TMPRSS11E: variants seen among roughly 807,000 people sequenced by gnomAD.
TMPRSS11E encodes transmembrane protease serine 11E.
TMPRSS11E carries 38 observed loss-of-function variants against 48.1 expected under a neutral mutation model. That is an observed-to-expected ratio of 0.79 (90% CI 0.61 to 1.04). The LOEUF (loss-of-function observed/expected upper bound fraction) is 1.04. TMPRSS11E is among the 50% of genes least tolerant of loss of function. TMPRSS11E has a pLI of 0.00. For missense variants in TMPRSS11E, 530 were observed against 510.8 expected (o/e 1.04, Z -0.36); for synonymous variants, 158 against 171.9 (o/e 0.92, Z 0.63).
chr4:68,462,803 A>G (rs574597885), intron 2 of TMPRSS11E, among the ~76,000 whole-genome samples: 1 of 152,288 alleles, frequency 6.6e-6, no homozygotes, highest in African/African-American at 2.4e-5. Context: ...AAGAAAGCTA[A>G]TTATAAAGAT....
intron 1 of TMPRSS11E, among the ~76,000 whole-genome samples, chr4:68,447,864 T>C (rs1052816181): frequency 9.9e-5 from 15 of 151,952 alleles, no homozygotes; most frequent in Non-Finnish European, 2.2e-4. Context: ...GGGCTTTGTT[T>C]GTCTTATTGA....
chr4:68,492,685 A>T (rs1229619986), intron 9 of TMPRSS11E, among the ~76,000 whole-genome samples: 2 of 152,206 alleles, frequency 1.3e-5, no homozygotes, highest in Non-Finnish European at 2.9e-5. Flanking sequence ...CTTTAAACAG[A>T]AACACACACG....
intron 2 of TMPRSS11E, 107 bp downstream of exon 2, chr4:68,462,052 G>C (rs1728805580): frequency 4.3e-6 from 6 of 1,389,058 alleles, no homozygotes; most frequent in Non-Finnish European, 6.0e-6. Context: ...CGATTCATTT[G>C]CATAGCCTGT....
At chr4:68,471,703 T>TAA in intron 5 of TMPRSS11E, 80 bp downstream of exon 5, 1 of 1,086,790 alleles carries the variant, frequency 9.2e-7, no homozygotes, top group Non-Finnish European at 1.3e-6. Context: ...AAAAATTTTT[T>TAA]TTGATGTCCT....
intron 9 of TMPRSS11E, among the ~76,000 whole-genome samples, chr4:68,479,310 C>T (rs924464223): frequency 2.0e-5 from 3 of 152,018 alleles, no homozygotes; most frequent in Non-Finnish European, 4.4e-5. Flanking sequence ...TCCCTAACAT[C>T]TGGCAATCAC....
In TMPRSS11E at chr4:68,489,668, C is replaced by T. The variant is rs145765234; in HGVS notation, c.1111-6975C>T. On this transcript the variant is annotated intron_variant, in intron 9 of 9. Transcript: ENST00000305363. ...GAGCTCTCCAGCTGTTAGGCAGGGT[C>T]TGCCATCAAAATAGCAATGGCTGTG... Among the ~76,000 whole-genome samples, 18 of 152,336 alleles carry T rather than the reference C, an allele frequency of 1.2e-4. No individual in the cohort carries two copies. The East Asian group carries it at 3.5e-3, about 29-fold the overall frequency.
rs527275213 is a variant in TMPRSS11E at position 68,448,083 on chromosome 4, A to G, written c.11+560A>G. On this transcript the variant is annotated intron_variant, in intron 1 of 9. Coordinates refer to ENST00000305363, the MANE Select transcript of TMPRSS11E (RefSeq NM_014058.4). ...ATGCCTGGCCATAGTCAACTTCTCC[A>G]AAGATAAGTCATGATCATTTTGAGG... 2.9e-3 allele frequency among the ~76,000 whole-genome samples: 443 copies of G among 152,128 alleles called. 3 individuals are homozygous for G. Among genetic ancestry groups the G allele is most frequent in the African/African-American group, 9.2e-3 (384 of 41,566 alleles).
At chr4:68,472,832 G>T (rs1004510032) in intron 5 of TMPRSS11E, among the ~76,000 whole-genome samples, 1 of 152,030 alleles carries the variant, frequency 6.6e-6, no homozygotes, top group Admixed American at 6.6e-5. Context: ...TTCTTCCCTG[G>T]TCTCGCTCTC....
intron 2 of TMPRSS11E, 41 bp downstream of exon 2, chr4:68,461,986 A>C (rs1728803989): frequency 1.9e-6 from 3 of 1,610,670 alleles, no homozygotes; most frequent in African/African-American, 1.3e-5. Flanking sequence ...TTTACCCCAA[A>C]TATTTCCTCA....
chr4:68,449,740 T>C lies in TMPRSS11E; in HGVS notation c.11+2217T>C, dbSNP rs551957890. 5.9e-5 allele frequency among the ~76,000 whole-genome samples: 9 copies of C among 151,838 alleles called. No individual in the cohort carries two copies. In the East Asian group the frequency reaches 1.7e-3, roughly 29 times the overall value. The stretch of plus-strand genomic sequence containing the variant: ...AAAGACATAGAAAAAGAAAAAGAAA[T>C]GTGTAAGCCTGAAAGAAATTAAACC... On this transcript the variant is annotated intron_variant, in intron 1 of 9. Coordinates refer to ENST00000305363, the MANE Select transcript of TMPRSS11E (RefSeq NM_014058.4).
At position 68,475,093 on chromosome 4, in the gene TMPRSS11E, T is replaced by C. The variant is rs573570201; in HGVS notation, c.529+332T>C. 1.2e-4 allele frequency among the ~76,000 whole-genome samples: 18 copies of C among 152,236 alleles called. 1 individual carries two copies. The South Asian group carries it at 1.9e-3, about 16-fold the overall frequency. The stretch of plus-strand genomic sequence containing the variant: ...CTATAAGATAAAACAAATCTATACA[T>C]TGTGTTTTTCAGCTAGAGGCAGAAA... On this transcript the variant is annotated intron_variant, in intron 6 of 9. Coordinates refer to ENST00000305363, the MANE Select transcript of TMPRSS11E (RefSeq NM_014058.4).
intron 9 of TMPRSS11E, among the ~76,000 whole-genome samples, chr4:68,489,489 C>T (rs1035682776): frequency 6.6e-6 from 1 of 152,128 alleles, no homozygotes; most frequent in Admixed American, 6.6e-5. Flanking sequence ...GGCATGCGTG[C>T]TGGTGGTGGG....
chr4:68,491,487 G>GT (rs1729721710), intron 9 of TMPRSS11E, among the ~76,000 whole-genome samples: 2 of 151,964 alleles, frequency 1.3e-5, no homozygotes, highest in Admixed American at 1.3e-4. Context: ...AAAAGAATAA[G>GT]TAAGTCTGTC....
At chr4:68,472,148 A>T (rs1289511935) in intron 5 of TMPRSS11E, among the ~76,000 whole-genome samples, 1 of 151,942 alleles carries the variant, frequency 6.6e-6, no homozygotes, top group Non-Finnish European at 1.5e-5. Flanking sequence ...TTGTAGGGCC[A>T]CATGGGACAA....
At chr4:68,494,635 T>C (rs1729818914) in intron 9 of TMPRSS11E, among the ~76,000 whole-genome samples, 2 of 133,744 alleles carry the variant, frequency 1.5e-5, no homozygotes, top group South Asian at 4.4e-4. Context: ...ACAGGATTAA[T>C]GAGACAAATA....
At chr4:68,481,997 T>A (rs1320217951) in intron 9 of TMPRSS11E, among the ~76,000 whole-genome samples, 1 of 151,994 alleles carries the variant, frequency 6.6e-6, no homozygotes, top group African/African-American at 2.4e-5. Flanking sequence ...TATTAGGTAA[T>A]GTATAAAGAG....
At position 68,471,566 on chromosome 4, in the gene TMPRSS11E, A is replaced by C. The variant is rs771899967; in HGVS notation, c.433A>C (p.Lys145Gln). The change falls in exon 5 of 10, where the codon AAG becomes CAG. Residue 145 changes from lysine (K) to glutamine (Q), a missense_variant. Lys to Gln is a moderately conservative substitution (Grantham distance 53). Coordinates refer to ENST00000305363, the MANE Select transcript of TMPRSS11E (RefSeq NM_014058.4). Reference protein sequence around the residue: ...DKIVQLVLHEKLQDAVGPPKV... With the variant: ...DKIVQLVLHEQLQDAVGPPKV... The stretch of plus-strand genomic sequence containing the variant: ...AATTGTTCAACTTGTTTTACATGAA[A>C]AGCTGCAAGATGCTGTAGGACCCCC... 1.2e-6 allele frequency: 2 copies of C among 1,611,166 alleles called. No homozygotes were observed. The highest frequency in any genetic ancestry group is 2.7e-5 in the African/African-American group (2 of 74,730).
chr4:68,460,978 T>C (rs1728774686), intron 1 of TMPRSS11E, among the ~76,000 whole-genome samples: 1 of 151,808 alleles, frequency 6.6e-6, no homozygotes, highest in Admixed American at 6.6e-5. Flanking sequence ...CCTCCCAGGT[T>C]CACGCCATTC....
At chr4:68,466,815 CCT>C in intron 3 of TMPRSS11E, 63 bp downstream of exon 3, 1 of 1,598,052 alleles carries the variant, frequency 6.3e-7, no homozygotes. Context: ...TTTTTAGCAT[CCT>C]AGCTTCTAAA....
Sources: allele counts gnomAD v4.1 joint callset (sites outside exome capture counted in the v4.1 genomes callset), GRCh38; gene constraint gnomAD v4.1.1; transcripts MANE v1.5; gene names NCBI Gene and HGNC (gene_info 2026-07-23, HGNC 2026-07-21).